RBFOX1: variants seen among roughly 807,000 people sequenced by gnomAD.
RBFOX1 encodes the protein RNA binding fox-1 homolog 1, also known as RNA binding protein fox-1 homolog 1.
In RBFOX1, 8 loss-of-function variants were observed where a neutral mutation model predicts 57.7. The observed-to-expected ratio is 0.14, with a 90% confidence interval of 0.08 to 0.25. RBFOX1 has a LOEUF of 0.25. Ranked by LOEUF, RBFOX1 falls within the 10% of genes least tolerant of loss-of-function variation. RBFOX1 has a pLI of 1.00. For synonymous variants in RBFOX1, 326 were observed against 222.4 expected, an observed-to-expected ratio of 1.47 and a Z score of -4.15; for missense variants, 611 against 548.5, an observed-to-expected ratio of 1.11 and a Z score of -1.14.
chr16:7,508,820 T>C (rs1288089737), intron 4 of RBFOX1, among the ~76,000 whole-genome samples: 3 of 152,166 alleles, frequency 2.0e-5, no homozygotes, highest in African/African-American at 7.2e-5. Context: ...ACAACTTTAT[T>C]CACTTCAGAA....
intron 3 of RBFOX1, among the ~76,000 whole-genome samples, chr16:5,808,913 C>T (rs926291747): frequency 6.6e-6 from 1 of 152,126 alleles, no homozygotes; most frequent in Non-Finnish European, 1.5e-5. Context: ...CCCTTTGTTT[C>T]CTTCTCCTGC....
At chr16:7,002,730 A>G (rs906931985) in intron 3 of RBFOX1, among the ~76,000 whole-genome samples, 1 of 152,162 alleles carries the variant, frequency 6.6e-6, no homozygotes, top group African/African-American at 2.4e-5. Context: ...GAAACAAACA[A>G]AAAACTATTT....
chr16:7,653,715 ACCCTGTGCAGGGACAAGGGTT>A, intron 11 of RBFOX1, 79 bp from the exon 12 acceptor site: 4 of 1,540,652 alleles, frequency 2.6e-6, no homozygotes, highest in Non-Finnish European at 3.5e-6. Flanking sequence ...TCCTGCTGGG[ACCCTGTGCAGGGACAAGGGTT>A]CCCGGGGCAG....
chr16:5,617,168 T>A (rs1197584286), intron 3 of RBFOX1, among the ~76,000 whole-genome samples: 1 of 151,104 alleles, frequency 6.6e-6, no homozygotes, highest in Non-Finnish European at 1.5e-5. Flanking sequence ...ATTTAACAAA[T>A]GCATTTTGAG....
In RBFOX1 at chr16:6,959,567, G is replaced by A. The variant is rs554165706; in HGVS notation, c.-15-92490G>A. Among the ~76,000 whole-genome samples the A allele has an allele frequency of 1.1e-4, 17 of 152,200 alleles. No homozygotes were observed. The South Asian group carries it at 3.3e-3, about 30-fold the overall frequency. ...CAGGTCTCAGTGAGTCTGTGGCAAA[G>A]CAGGTCTCCCTCAAGGCTGAACAGG... is the stretch of plus-strand genomic sequence containing the variant. On this transcript the variant is annotated intron_variant, in intron 3 of 15. Coordinates refer to ENST00000550418, the MANE Select transcript of RBFOX1 (RefSeq NM_018723.4).
intron 2 of RBFOX1, among the ~76,000 whole-genome samples, chr16:5,542,960 C>T (rs2045024474): frequency 6.6e-5 from 10 of 152,182 alleles, no homozygotes; most frequent in Admixed American, 6.5e-4. Flanking sequence ...ATAGTGCCAA[C>T]TTCCACCAGC....
At chr16:6,470,269 C>G (rs777323623) in intron 2 of RBFOX1, among the ~76,000 whole-genome samples, 6 of 152,128 alleles carry the variant, frequency 3.9e-5, no homozygotes, top group Non-Finnish European at 8.8e-5. Flanking sequence ...ACATTTGATC[C>G]AGGCATTTTT....
intron 3 of RBFOX1, among the ~76,000 whole-genome samples, chr16:6,761,594 G>C (rs1444991789): frequency 8.0e-6 from 1 of 124,890 alleles, no homozygotes; most frequent in African/African-American, 3.0e-5. Flanking sequence ...TGTAACCTCT[G>C]CCTCCCAGAT....
At chr16:7,642,052 T>C (rs909966360) in intron 11 of RBFOX1, among the ~76,000 whole-genome samples, 1 of 152,092 alleles carries the variant, frequency 6.6e-6, no homozygotes. Context: ...GAGTTTGAGA[T>C]TGCAGTGATC....
chr16:7,298,081 A>G lies in RBFOX1; in HGVS notation c.28-220066A>G, dbSNP rs1024897334. Among the ~76,000 whole-genome samples the G allele has an allele frequency of 2.6e-5, 4 of 152,006 alleles. No individual in the cohort carries two copies. The East Asian group carries it at 5.8e-4, about 22-fold the overall frequency. ...TCTATATCCTGAAACTTCTTAGAGA[A>G]TTTTCTTAGAGATTTTTCCAAGGAA... is the stretch of plus-strand genomic sequence containing the variant. On this transcript the variant is annotated intron_variant, in intron 4 of 15. Coordinates refer to ENST00000550418, the MANE Select transcript of RBFOX1 (RefSeq NM_018723.4).
At chr16:5,609,582 G>T (rs777495146) in intron 3 of RBFOX1, among the ~76,000 whole-genome samples, 4 of 152,164 alleles carry the variant, frequency 2.6e-5, no homozygotes, top group Non-Finnish European at 5.9e-5. Flanking sequence ...TTGACCCAGC[G>T]TCACTCCAGG....
chr16:7,056,318 G>A (rs1232557520), intron 4 of RBFOX1, among the ~76,000 whole-genome samples: 2 of 152,152 alleles, frequency 1.3e-5, no homozygotes, highest in Non-Finnish European at 2.9e-5. Context: ...CCGTCCCAAG[G>A]TTTGTCAATC....
intron 4 of RBFOX1, among the ~76,000 whole-genome samples, chr16:7,435,740 A>G (rs1319353073): frequency 6.6e-6 from 1 of 152,168 alleles, no homozygotes; most frequent in Non-Finnish European, 1.5e-5. Context: ...GCAGGGCTAA[A>G]TAATTTTCTT....
chr16:7,501,813 C>T (rs911634271), intron 4 of RBFOX1, among the ~76,000 whole-genome samples: 2 of 152,182 alleles, frequency 1.3e-5, no homozygotes, highest in African/African-American at 2.4e-5. Context: ...TTTATCTTCT[C>T]TGGGCACATA....
intron 4 of RBFOX1, among the ~76,000 whole-genome samples, chr16:5,945,952 C>A (rs1340393758): frequency 6.6e-6 from 1 of 152,194 alleles, no homozygotes; most frequent in Non-Finnish European, 1.5e-5. Flanking sequence ...TCACATCCTC[C>A]TTTCAAGCCG....
rs61167086 is a variant in RBFOX1 at position 6,097,580 on chromosome 16, C to T, written c.-127+77588C>T. Among the ~76,000 whole-genome samples the T allele has an allele frequency of 0.081, 12,248 of 152,128 alleles. 746 individuals carry two copies. The highest frequency in any genetic ancestry group is 0.16 in the African/African-American group (6,840 of 41,490). On this transcript the variant is annotated intron_variant, in intron 1 of 15. Coordinates refer to ENST00000550418, the MANE Select transcript of RBFOX1 (RefSeq NM_018723.4). The surrounding 1 kb of genome is among the most constrained non-coding windows in gnomAD (Gnocchi z 5.0). ...TAAGAACCTCTGCTGCACAGGGAGA[C>T]CTCACTTTCATTATTCTCATTTCAC... is the stretch of plus-strand genomic sequence containing the variant.
At chr16:5,981,349 G>A (rs1216451577) in intron 4 of RBFOX1, among the ~76,000 whole-genome samples, 2 of 152,318 alleles carry the variant, frequency 1.3e-5, no homozygotes, top group East Asian at 3.9e-4. Context: ...TGGGTCTGGG[G>A]TGATGCTCTG....
intron 3 of RBFOX1, among the ~76,000 whole-genome samples, chr16:6,964,931 A>G (rs983996104): frequency 6.6e-6 from 1 of 152,156 alleles, no homozygotes; most frequent in African/African-American, 2.4e-5. Context: ...ATCTCTGCGG[A>G]TTAAAGGAGA....
chr16:5,816,281 C>T (rs1442443938), intron 3 of RBFOX1, among the ~76,000 whole-genome samples: 1 of 152,150 alleles, frequency 6.6e-6, no homozygotes, highest in Non-Finnish European at 1.5e-5. Flanking sequence ...CTCTCTTCCT[C>T]CCTCATCTAG....
Sources: gnomAD v4.1 joint callset for allele counts (sites outside exome capture counted in the v4.1 genomes callset) on GRCh38, gnomAD v4.1.1 for gene constraint, Gnocchi (gnomAD v3.1) non-coding constraint, MANE v1.5 for transcripts, NCBI Gene and HGNC (gene_info 2026-07-23, HGNC 2026-07-21) for gene names.